Variants in GSAP observed in about 807,000 individuals in gnomAD.
The protein encoded by GSAP is gamma-secretase-activating protein.
GSAP carries 118 observed loss-of-function variants against 131.7 expected under a neutral mutation model. The observed-to-expected ratio is 0.90, with a 90% CI of 0.77 to 1.04. The LOEUF (loss-of-function observed/expected upper bound fraction) is 1.04. Among genes scored for constraint, GSAP ranks in the 50% least tolerant of loss-of-function variants. The pLI is 0.00. For synonymous variants in GSAP, 381 were observed against 363.4 expected (o/e 1.05, Z -0.55); for missense variants, 1,019 against 1,013.2 (o/e 1.01, Z -0.08).
intron 30 of GSAP, 102 bp downstream of exon 30, chr7:77,311,739 T>C (rs184577018): frequency 1.9e-5 from 13 of 669,658 alleles, no homozygotes; most frequent in Admixed American, 4.7e-5. Flanking sequence ...GGTCTACTTG[T>C]ATGTTAAAAG....
intron 10 of GSAP, among the ~76,000 whole-genome samples, chr7:77,375,857 AAC>A (rs1447333563): frequency 1.3e-4 from 19 of 151,642 alleles, no homozygotes; most frequent in African/African-American, 3.1e-4. Context: ...AAAAAAAAAA[AAC>A]AAACAAAAAA....
chr7:77,360,772 A>T, intron 14 of GSAP, 52 bp downstream of exon 14: 1 of 936,948 alleles, frequency 1.1e-6, no homozygotes, highest in Non-Finnish European at 1.8e-6. Context: ...GAGGTATACC[A>T]TGCCTAGGAA....
chr7:77,384,511 A>G (rs557055130), intron 6 of GSAP, among the ~76,000 whole-genome samples: 7 of 151,922 alleles, frequency 4.6e-5, no homozygotes, highest in Non-Finnish European at 8.8e-5. Flanking sequence ...TTACTTTGAA[A>G]AATTTATCTT....
intron 30 of GSAP, 123 bp downstream of exon 30, chr7:77,311,718 A>G: frequency 1.6e-6 from 1 of 616,496 alleles, no homozygotes; most frequent in Non-Finnish European, 2.9e-6. Flanking sequence ...ATGTAAACCA[A>G]TTGCTATAAG....
At chr7:77,385,756 G>A (rs112944736) in intron 6 of GSAP, among the ~76,000 whole-genome samples, 13 of 152,250 alleles carry the variant, frequency 8.5e-5, no homozygotes, top group African/African-American at 2.9e-4. Flanking sequence ...TGACAGGGGA[G>A]GACCCTGGGA....
chr7:77,398,234 T>C (rs1800757502), intron 3 of GSAP, among the ~76,000 whole-genome samples: 1 of 152,180 alleles, frequency 6.6e-6, no homozygotes, highest in Non-Finnish European at 1.5e-5. Context: ...AGGTTACTAG[T>C]ATCTGCACAC....
upstream of GSAP, chr7:77,416,425 C>T: frequency 7.3e-6 from 4 of 545,304 alleles, no homozygotes; most frequent in South Asian, 5.2e-5. Context: ...CCCCCTCTTT[C>T]CTCTCCCCCG....
intron 23 of GSAP, among the ~76,000 whole-genome samples, chr7:77,325,522 A>G (rs983899378): frequency 6.6e-6 from 1 of 152,190 alleles, no homozygotes; most frequent in African/African-American, 2.4e-5. Context: ...TCATCCTAGT[A>G]TTATGACTTC....
In GSAP at chr7:77,355,295, T is replaced by C; in HGVS notation, c.1256A>G (p.Asn419Ser). 2 of 1,613,970 alleles carry C rather than the reference T, an allele frequency of 1.2e-6. No homozygotes were observed. The highest frequency in any genetic ancestry group is 1.7e-6 in the Non-Finnish European group (2 of 1,179,922). Residue 419 changes from asparagine (N) to serine (S), a missense_variant, in exon 16 of 31, where the codon AAC becomes AGC. Transcript: ENST00000257626. Reference sequence around the variant, plus strand: ...CATCTTCTCACAGTCTAAGCAAGTGTTCTGCAGAAGCTGTAATAAAGACGA... The same window carrying C: ...CATCTTCTCACAGTCTAAGCAAGTGCTCTGCAGAAGCTGTAATAAAGACGA... ...SQSSLLQLLQ[N>S]TCLDCEKMAA...
intron 5 of GSAP, among the ~76,000 whole-genome samples, chr7:77,393,236 T>C (rs1799855925): frequency 6.6e-6 from 1 of 152,184 alleles, no homozygotes; most frequent in South Asian, 2.1e-4. Flanking sequence ...GTAAGGCCAT[T>C]TGATGGACAG....
At chr7:77,345,025 T>C (rs1382939080) in intron 19 of GSAP, among the ~76,000 whole-genome samples, 1 of 152,214 alleles carries the variant, frequency 6.6e-6, no homozygotes, top group Non-Finnish European at 1.5e-5. Flanking sequence ...TATGACAACA[T>C]AAAAATCTAA....
chr7:77,349,541 T>C, intron 18 of GSAP, 137 bp from the exon 19 acceptor site: 1 of 655,766 alleles, frequency 1.5e-6, no homozygotes, highest in South Asian at 1.8e-5. Flanking sequence ...TAAATAAACC[T>C]TGGAGGGCAT....
At chr7:77,339,812 A>G (rs1182540345) in intron 19 of GSAP, among the ~76,000 whole-genome samples, 1 of 152,268 alleles carries the variant, frequency 6.6e-6, no homozygotes, top group East Asian at 1.9e-4. Context: ...CCTAATAGGT[A>G]AAAGTTAATA....
At chr7:77,394,755 C>A (rs890022175) in intron 5 of GSAP, among the ~76,000 whole-genome samples, 1 of 152,184 alleles carries the variant, frequency 6.6e-6, no homozygotes, top group African/African-American at 2.4e-5. Flanking sequence ...CAGCTCCTTG[C>A]CACCATTGGT....
At chr7:77,407,157 G>A (rs1802436049) in intron 1 of GSAP, among the ~76,000 whole-genome samples, 1 of 152,038 alleles carries the variant, frequency 6.6e-6, no homozygotes, top group African/African-American at 2.4e-5. Flanking sequence ...CACATAGTTG[G>A]GTCTGAAAAA....
intron 26 of GSAP, 78 bp from the exon 27 acceptor site, chr7:77,314,567 T>C: frequency 6.5e-7 from 1 of 1,537,846 alleles, no homozygotes. Context: ...TAGATCATGT[T>C]AATAAAGCAC....
At chr7:77,330,059 TAGG>T (rs66524145) in intron 20 of GSAP, 177 bp downstream of exon 20, 85,157 of 613,544 alleles carry the variant, frequency 0.14, 8,660 homozygotes, top group East Asian at 0.41. Context: ...GTTTCCTCCC[TAGG>T]AGAACAGAGA....
chr7:77,395,232 C>G (rs1274708918), intron 5 of GSAP, among the ~76,000 whole-genome samples: 3 of 152,054 alleles, frequency 2.0e-5, no homozygotes, highest in Non-Finnish European at 4.4e-5. Flanking sequence ...ATTTTTAAGG[C>G]TAAAAAAATA....
In GSAP at chr7:77,322,578, G is replaced by C. The variant is rs191974963; in HGVS notation, c.1923+1069C>G. Reference sequence around the variant, plus strand: ...TGGATGTGTTAAATCACTGTGTGTTGTGAGTTTTTTTTTTTTTTTTTTTTT... The same window carrying C: ...TGGATGTGTTAAATCACTGTGTGTTCTGAGTTTTTTTTTTTTTTTTTTTTT... On this transcript the variant is annotated intron_variant, in intron 24 of 30. Transcript: ENST00000257626. 2.6e-3 allele frequency among the ~76,000 whole-genome samples: 368 copies of C among 139,728 alleles called. 1 individual carries two copies. The highest frequency in any genetic ancestry group is 9.1e-3 in the African/African-American group (336 of 36,874). The allele number at this position is 139,728 out of a possible 152,430, so 91.7% of individuals were successfully genotyped here.
Sources: allele counts gnomAD v4.1 joint callset (sites outside exome capture counted in the v4.1 genomes callset), GRCh38; gene constraint gnomAD v4.1.1; transcripts MANE v1.5; gene names NCBI Gene and HGNC (gene_info 2026-07-23, HGNC 2026-07-21).